The following DZIP1 variants were observed in gnomAD, a reference collection of about 807,000 sequenced individuals.
DZIP1 encodes the protein DAZ interacting zinc finger protein 1.
In DZIP1, 97 loss-of-function variants were observed where a neutral mutation model predicts 107.6. That is an observed-to-expected ratio of 0.90 (90% CI 0.77 to 1.07). The LOEUF (loss-of-function observed/expected upper bound fraction) is 1.07, where lower values mean the gene tolerates loss of function less well. DZIP1 is among the 50% of genes least tolerant of loss of function. DZIP1 has a pLI of 0.00. For synonymous variants in DZIP1, 390 were observed against 386.4 expected (o/e 1.01, Z -0.11); for missense variants, 1,035 against 1,063.6 (o/e 0.97, Z 0.37).
chr13:95,588,922 G>T (rs1431825010), intron 19 of DZIP1, among the ~76,000 whole-genome samples: 1 of 152,142 alleles, frequency 6.6e-6, no homozygotes, highest in Admixed American at 6.5e-5. Flanking sequence ...GAATGACTCA[G>T]GTGTCTTGCT....
chr13:95,641,250 A>G lies in DZIP1; in HGVS notation c.597+45T>C, dbSNP rs1387446325. ...GGACAGGCCTATCAAATGGGAACTG[A>G]GTTGTTTACTGGATTATGAATCGTG... is the stretch of plus-strand genomic sequence containing the variant. On this transcript the variant is annotated intron_variant, in intron 5 of 22. Coordinates refer to ENST00000376829, the MANE Select transcript of DZIP1 (RefSeq NM_198968.4). The surrounding 1 kb of genome is among the most constrained non-coding windows in gnomAD (Gnocchi z 4.3). 2 of 1,527,744 alleles carry G rather than the reference A, an allele frequency of 1.3e-6. No homozygotes were observed. The highest frequency in any genetic ancestry group is 1.4e-5 in the African/African-American group (1 of 72,356). The allele number at this position is 1,527,744 out of a possible 1,614,324, so 94.6% of individuals were successfully genotyped here.
intron 13 of DZIP1, among the ~76,000 whole-genome samples, chr13:95,607,038 T>C (rs1184569477): frequency 7.4e-6 from 1 of 135,452 alleles, no homozygotes; most frequent in Non-Finnish European, 1.7e-5. Context: ...AAACCTCAGC[T>C]ACTTTTTTAT....
At chr13:95,624,207 G>C (rs1238023512) in intron 8 of DZIP1, among the ~76,000 whole-genome samples, 1 of 152,184 alleles carries the variant, frequency 6.6e-6, no homozygotes, top group Admixed American at 6.5e-5. Context: ...TCTAACCAGG[G>C]AGCTTAGAAT....
intron 5 of DZIP1, among the ~76,000 whole-genome samples, chr13:95,640,203 G>A (rs910255557): frequency 2.0e-5 from 3 of 152,100 alleles, no homozygotes; most frequent in Admixed American, 1.3e-4. Flanking sequence ...ATGTTAGCCA[G>A]GATGGTCTCG....
chr13:95,599,468 C>T (rs766925464), intron 14 of DZIP1, 44 bp from the exon 15 acceptor site: 61 of 1,463,282 alleles, frequency 4.2e-5, no homozygotes, highest in Non-Finnish European at 5.4e-5. Context: ...AGGACAACAG[C>T]AAAGTTACAT....
At chr13:95,607,209 G>T (rs539323412) in intron 13 of DZIP1, among the ~76,000 whole-genome samples, 1 of 152,210 alleles carries the variant, frequency 6.6e-6, no homozygotes, top group South Asian at 2.1e-4. Flanking sequence ...ACCATGCTCA[G>T]CTAATTTTTG....
chr13:95,597,380 G>T (rs975209625), intron 15 of DZIP1, among the ~76,000 whole-genome samples: 1 of 152,076 alleles, frequency 6.6e-6, no homozygotes, highest in African/African-American at 2.4e-5. Flanking sequence ...TTTATATCTT[G>T]GACATCAGTA....
intron 15 of DZIP1, among the ~76,000 whole-genome samples, chr13:95,598,571 C>A (rs1283973963): frequency 6.6e-6 from 1 of 152,004 alleles, no homozygotes; most frequent in African/African-American, 2.4e-5. Context: ...CATTTGACTT[C>A]TTTTCCTGAC....
rs759430474 is a variant in DZIP1 at position 95,641,266 on chromosome 13, A to T, written c.597+29T>A. 3 of 1,541,948 alleles carry T rather than the reference A, an allele frequency of 1.9e-6. No homozygotes were observed. The highest frequency in any genetic ancestry group is 1.8e-4 in the Middle Eastern group (1 of 5,706). ...TGGGAACTGAGTTGTTTACTGGATT[A>T]TGAATCGTGCTCACACACAGCTGCC... On this transcript the variant is annotated intron_variant, in intron 5 of 22. Transcript: ENST00000376829. This position sits in a 1 kb window ranked among gnomAD's most constrained non-coding sequence, Gnocchi z 4.3.
intron 5 of DZIP1, among the ~76,000 whole-genome samples, chr13:95,637,937 T>C (rs1405370973): frequency 6.6e-6 from 1 of 152,160 alleles, no homozygotes; most frequent in South Asian, 2.1e-4. Flanking sequence ...ATATTTTATA[T>C]GTTCATAAAC....
intron 7 of DZIP1, among the ~76,000 whole-genome samples, chr13:95,625,928 T>A (rs1166796260): frequency 1.3e-5 from 2 of 150,750 alleles, no homozygotes; most frequent in Non-Finnish European, 3.0e-5. Flanking sequence ...TTTGAGACCA[T>A]CCTGGGAAAC....
At chr13:95,638,626 C>A (rs1594745239) in intron 5 of DZIP1, among the ~76,000 whole-genome samples, 1 of 128,118 alleles carries the variant, frequency 7.8e-6, no homozygotes, top group Middle Eastern at 3.8e-3. Flanking sequence ...TCACTACCCC[C>A]CTTATACACA....
intron 5 of DZIP1, among the ~76,000 whole-genome samples, chr13:95,638,448 T>G (rs1440929030): frequency 6.6e-6 from 1 of 152,170 alleles, no homozygotes. Flanking sequence ...GTCTATGCAC[T>G]TTTTTGTATG....
intron 5 of DZIP1, chr13:95,637,193 A>C (rs766642584): frequency 6.6e-6 from 1 of 152,256 alleles, no homozygotes; most frequent in African/African-American, 2.4e-5. Flanking sequence ...ATTAAGAGAT[A>C]ATTCAAAATG....
chr13:95,603,683 T>C (rs1278626696), intron 14 of DZIP1, among the ~76,000 whole-genome samples: 1 of 152,068 alleles, frequency 6.6e-6, no homozygotes, highest in Non-Finnish European at 1.5e-5. Flanking sequence ...ACTACAAAAA[T>C]TTATTTGAGG....
chr13:95,641,778 CGCGGCG>C lies in DZIP1; in HGVS notation c.108_113del (p.Ala37_Ala38del), dbSNP rs748909193. 2.6e-6 allele frequency: 4 copies of C among 1,539,098 alleles called. 1 individual carries two copies. The South Asian group carries it at 3.7e-5, about 14-fold the overall frequency. ...GCGCACAGGCCATGGAGGCCGCACC[CGCGGCG>C]GCGGCGGCCACAGCGACGTCGGGCC... is the stretch of plus-strand genomic sequence containing the variant. On this transcript the variant is annotated inframe_deletion, in exon 5 of 23. Coordinates refer to ENST00000376829, the MANE Select transcript of DZIP1 (RefSeq NM_198968.4). The surrounding 1 kb of genome is among the most constrained non-coding windows in gnomAD (Gnocchi z 4.3).
chr13:95,625,161 C>T (rs963410568), intron 7 of DZIP1, among the ~76,000 whole-genome samples: 34 of 152,278 alleles, frequency 2.2e-4, no homozygotes, highest in Non-Finnish European at 4.3e-4. Flanking sequence ...CCAACACAGA[C>T]GCCCAAAGCC....
chr13:95,625,170 C>T (rs1002659942), intron 7 of DZIP1, among the ~76,000 whole-genome samples: 5 of 152,180 alleles, frequency 3.3e-5, no homozygotes, highest in African/African-American at 1.2e-4. Context: ...ACGCCCAAAG[C>T]CTCCAGCTTT....
At chr13:95,599,252 C>A (rs990692250) in intron 15 of DZIP1, 113 bp downstream of exon 15, 3 of 869,592 alleles carry the variant, frequency 3.4e-6, no homozygotes, top group African/African-American at 3.4e-5. Context: ...ATCTAAATGT[C>A]TTTCCTAATT....
Sources: gnomAD v4.1 joint callset for allele counts (sites outside exome capture counted in the v4.1 genomes callset) on GRCh38, gnomAD v4.1.1 for gene constraint, Gnocchi (gnomAD v3.1) non-coding constraint, MANE v1.5 for transcripts, NCBI Gene and HGNC (gene_info 2026-07-23, HGNC 2026-07-21) for gene names.